RABGAP1L: variants seen among roughly 807,000 people sequenced by gnomAD.
The protein encoded by RABGAP1L is RAB GTPase activating protein 1 like.
RABGAP1L carries 63 observed loss-of-function variants against 137.7 expected under a neutral mutation model. That is an observed-to-expected ratio of 0.46 (90% CI 0.37 to 0.56). The LOEUF is 0.56. Ranked by LOEUF, RABGAP1L falls within the 20% of genes least tolerant of loss-of-function variation. The pLI is 0.00. For synonymous variants in RABGAP1L, 431 were observed against 433.7 expected (o/e 0.99, Z 0.08); for missense variants, 1,095 against 1,244.0 (o/e 0.88, Z 1.80).
At chr1:174,172,741 A>G (rs978994218) in intron 1 of RABGAP1L, among the ~76,000 whole-genome samples, 1 of 152,018 alleles carries the variant, frequency 6.6e-6, no homozygotes, top group African/African-American at 2.4e-5. Context: ...AGAGTTCCTT[A>G]TGTATTTTGG....
At chr1:174,287,483 C>T (rs1437130965) in intron 10 of RABGAP1L, among the ~76,000 whole-genome samples, 2 of 152,036 alleles carry the variant, frequency 1.3e-5, no homozygotes, top group Non-Finnish European at 2.9e-5. Flanking sequence ...TCCATTCAGT[C>T]ACTCTATATC....
At chr1:174,380,693 G>T (rs1346925548) in intron 12 of RABGAP1L, among the ~76,000 whole-genome samples, 1 of 142,686 alleles carries the variant, frequency 7.0e-6, no homozygotes, top group Non-Finnish European at 1.5e-5. Context: ...TTCTTTATTA[G>T]TCTTGCTAGC....
At chr1:174,775,350 G>A (rs1056736391) in intron 18 of RABGAP1L, among the ~76,000 whole-genome samples, 1 of 144,970 alleles carries the variant, frequency 6.9e-6, no homozygotes, top group African/African-American at 2.6e-5. Flanking sequence ...TTTCGTTCTT[G>A]TTGCCCAGGC....
intron 13 of RABGAP1L, among the ~76,000 whole-genome samples, chr1:174,468,766 G>A (rs969571463): frequency 2.6e-5 from 4 of 152,082 alleles, no homozygotes; most frequent in Non-Finnish European, 5.9e-5. Flanking sequence ...GCTTAGAACA[G>A]TAAGTTCCAT....
At chr1:174,292,103 C>T (rs2148721024) in intron 10 of RABGAP1L, among the ~76,000 whole-genome samples, 1 of 149,346 alleles carries the variant, frequency 6.7e-6, no homozygotes, top group East Asian at 1.9e-4. Flanking sequence ...AGTGGCACGA[C>T]CATAGTTCAC....
intron 13 of RABGAP1L, among the ~76,000 whole-genome samples, chr1:174,553,448 C>T (rs1666683196): frequency 6.6e-6 from 1 of 152,116 alleles, no homozygotes; most frequent in African/African-American, 2.4e-5. Context: ...GTGCATATGG[C>T]TAGCCAGTTA....
Position 174,969,333 on chromosome 1 carries a change from C to A in RABGAP1L, c.2490C>A (p.Asp830Glu). The A allele has an allele frequency of 1.3e-6, 2 of 1,550,764 alleles. No homozygotes were observed. The highest frequency in any genetic ancestry group is 1.7e-6 in the Non-Finnish European group (2 of 1,146,982). ...ASMRLEQEND[D>E]LAHELVTSKI... ...TGAGGTTGGAACAAGAGAATGATGA[C>A]CTTGCCCATGAACTAGTAACAAGCA... The change falls in exon 21 of 26, where the codon GAC becomes GAA. Residue 830 changes from aspartate to glutamate, a missense_variant. Coordinates refer to ENST00000681986, the MANE Select transcript of RABGAP1L (RefSeq NM_001366446.1).
At chr1:174,734,033 T>C (rs1458764872) in intron 17 of RABGAP1L, among the ~76,000 whole-genome samples, 5 of 152,178 alleles carry the variant, frequency 3.3e-5, no homozygotes, top group Admixed American at 3.3e-4. Context: ...AAAGGATAAT[T>C]CTATGATTTT....
intron 14 of RABGAP1L, among the ~76,000 whole-genome samples, chr1:174,646,168 T>C (rs1674953500): frequency 6.6e-6 from 1 of 152,174 alleles, no homozygotes. Flanking sequence ...AGGTTACCTG[T>C]TCACTGATGA....
chr1:174,519,600 A>G (rs76886469), intron 13 of RABGAP1L, among the ~76,000 whole-genome samples: 12,063 of 152,222 alleles, frequency 0.079, 666 homozygotes, highest in East Asian at 0.32. Flanking sequence ...CAATCCAGTC[A>G]TGTTCACACT....
chr1:174,437,976 A>G (rs995513709), intron 13 of RABGAP1L, among the ~76,000 whole-genome samples: 2 of 152,228 alleles, frequency 1.3e-5, no homozygotes, highest in Non-Finnish European at 2.9e-5. Flanking sequence ...ACTAAGCTTC[A>G]TAAGTGAAGG....
intron 11 of RABGAP1L, 49 bp downstream of exon 11, chr1:174,305,176 C>G: frequency 6.9e-7 from 1 of 1,456,666 alleles, no homozygotes; most frequent in Non-Finnish European, 9.0e-7. Flanking sequence ...AGCTGCTTTA[C>G]TTACAATCTT....
chr1:174,553,822 G>A (rs746136185), intron 13 of RABGAP1L, among the ~76,000 whole-genome samples: 7 of 152,056 alleles, frequency 4.6e-5, no homozygotes, highest in African/African-American at 1.2e-4. Flanking sequence ...GCAATATGGC[G>A]AAATCCCATC....
intron 11 of RABGAP1L, among the ~76,000 whole-genome samples, chr1:174,324,415 A>G (rs533977282): frequency 2.0e-4 from 30 of 152,250 alleles, no homozygotes; most frequent in Admixed American, 1.2e-3. Flanking sequence ...TGAGATAGGA[A>G]ACACAGGGGG....
chr1:174,681,872 C>A (rs1678088808), intron 14 of RABGAP1L, among the ~76,000 whole-genome samples: 1 of 152,086 alleles, frequency 6.6e-6, no homozygotes, highest in African/African-American at 2.4e-5. Context: ...AAAATACATT[C>A]TATTAAATTA....
chr1:174,371,065 G>T lies in RABGAP1L; in HGVS notation c.1552G>T (p.Gly518Ter). 6.8e-7 allele frequency: 1 copy of T among 1,481,394 alleles called. No homozygotes were observed. 91.8% of individuals were successfully genotyped at this position (1,481,394 alleles called of 1,614,324 possible). Residue 518 changes from glycine (G) to a stop codon, truncating the protein, a stop_gained, in exon 12 of 26, where the codon GGA becomes TGA. Transcript: ENST00000681986. LOFTEE classifies it high-confidence loss of function. ...CCTGTATTCTTGGGGAGAGTTGCTA[G>T]GAAAATGGTAAAATTTTATTTTTCA... ...KILYSWGELL[G>*]KWHSNLGARP...
intron 1 of RABGAP1L, among the ~76,000 whole-genome samples, chr1:174,195,533 C>T (rs1230282362): frequency 6.6e-6 from 1 of 151,746 alleles, no homozygotes; most frequent in Non-Finnish European, 1.5e-5. Context: ...GTTTCCAATT[C>T]CTGTTATGAT....
intron 12 of RABGAP1L, among the ~76,000 whole-genome samples, chr1:174,387,021 A>T (rs1686852584): frequency 1.3e-5 from 2 of 152,194 alleles, no homozygotes; most frequent in South Asian, 2.1e-4. Context: ...AAAATGCAAG[A>T]TTTATTACTT....
chr1:174,450,960 G>T (rs1315381890), intron 13 of RABGAP1L, among the ~76,000 whole-genome samples: 1 of 152,042 alleles, frequency 6.6e-6, no homozygotes, highest in Non-Finnish European at 1.5e-5. Context: ...TATTGAGGTT[G>T]TTCTGAACCC....
Sources: gnomAD v4.1 joint callset for allele counts (sites outside exome capture counted in the v4.1 genomes callset) on GRCh38, gnomAD v4.1.1 for gene constraint, MANE v1.5 for transcripts, NCBI Gene and HGNC (gene_info 2026-07-23, HGNC 2026-07-21) for gene names.